Variants in HECW1 observed in about 807,000 individuals in gnomAD.
HECW1 encodes E3 ubiquitin-protein ligase HECW1.
HECW1 carries 61 observed loss-of-function variants against 182.3 expected under a neutral mutation model. That is an observed-to-expected ratio of 0.33 (90% CI 0.27 to 0.41). The LOEUF is 0.41. HECW1 is among the 10% of genes least tolerant of loss of function. The probability of loss-of-function intolerance (pLI) is 1.00; values close to 1 mark genes in which losing one functional copy is unlikely to be tolerated. For synonymous variants in HECW1, 859 were observed against 832.6 expected (o/e 1.03, Z -0.55); for missense variants, 1,739 against 2,108.9 (o/e 0.82, Z 3.44).
chr7:43,374,799 A>AAAAAAAAAAAAAAAAAAAAAAC (rs1303274874), intron 6 of HECW1, among the ~76,000 whole-genome samples: 4 of 54,074 alleles, frequency 7.4e-5, no homozygotes, highest in Non-Finnish European at 1.2e-4. Flanking sequence ...AAAAAAAAAA[A>AAAAAAAAAAAAAAAAAAAAAAC]ATAGAGAAAT....
At chr7:43,354,714 T>C (rs1022431270) in intron 5 of HECW1, among the ~76,000 whole-genome samples, 10 of 152,094 alleles carry the variant, frequency 6.6e-5, no homozygotes, top group African/African-American at 2.4e-4. Context: ...TCAAAAGGAA[T>C]TGAGCAACAG....
At chr7:43,267,984 A>G (rs541025373) in intron 3 of HECW1, among the ~76,000 whole-genome samples, 28 of 151,180 alleles carry the variant, frequency 1.9e-4, no homozygotes, top group Non-Finnish European at 3.2e-4. Context: ...AAGCAGTACA[A>G]AATTCACCTG....
chr7:43,153,676 A>C (rs1423398134), intron 2 of HECW1, among the ~76,000 whole-genome samples: 1 of 152,148 alleles, frequency 6.6e-6, no homozygotes, highest in Non-Finnish European at 1.5e-5. Flanking sequence ...GGCATCTGAC[A>C]ATTTACTTAG....
intron 2 of HECW1, among the ~76,000 whole-genome samples, chr7:43,132,807 CCTT>C (rs1356569426): frequency 6.6e-6 from 1 of 152,120 alleles, no homozygotes; most frequent in African/African-American, 2.4e-5. Context: ...TTCCTTCCTC[CCTT>C]CTTTTCTTCT....
chr7:43,288,249 A>G (rs979158178), intron 3 of HECW1, among the ~76,000 whole-genome samples: 1 of 152,214 alleles, frequency 6.6e-6, no homozygotes, highest in Non-Finnish European at 1.5e-5. Context: ...TGAAGGCTGT[A>G]GGTAGTAGAG....
chr7:43,285,668 TG>T (rs1379976072), intron 3 of HECW1, among the ~76,000 whole-genome samples: 3 of 151,896 alleles, frequency 2.0e-5, no homozygotes, highest in African/African-American at 7.2e-5. Flanking sequence ...TAAAAATAGC[TG>T]GGTGTGGTGG....
intron 2 of HECW1, among the ~76,000 whole-genome samples, chr7:43,128,153 T>C (rs1250640892): frequency 6.6e-6 from 1 of 152,202 alleles, no homozygotes; most frequent in Non-Finnish European, 1.5e-5. Context: ...TTATTGGGAT[T>C]ACAGGCGTGA....
chr7:43,216,232 G>A (rs534638474), intron 2 of HECW1, among the ~76,000 whole-genome samples: 2 of 152,056 alleles, frequency 1.3e-5, no homozygotes, highest in Admixed American at 6.5e-5. Flanking sequence ...TGCAACCTTC[G>A]CCTTCTGGGT....
intron 3 of HECW1, among the ~76,000 whole-genome samples, chr7:43,267,098 GATAA>G (rs1801885196): frequency 6.6e-6 from 1 of 152,010 alleles, no homozygotes; most frequent in Non-Finnish European, 1.5e-5. Context: ...ACATAAAAAA[GATAA>G]ATAATATTAC....
intron 2 of HECW1, among the ~76,000 whole-genome samples, chr7:43,143,488 G>T (rs1788386016): frequency 6.6e-6 from 1 of 151,868 alleles, no homozygotes; most frequent in South Asian, 2.1e-4. Context: ...CTCTCACCAT[G>T]CTACCCAGGC....
chr7:43,184,204 T>G (rs12702020), intron 2 of HECW1, among the ~76,000 whole-genome samples: 36,626 of 151,908 alleles, frequency 0.24, 4,611 homozygotes, highest in Middle Eastern at 0.27. Context: ...TAGTAGAGAC[T>G]GGGTTTCACT....
chr7:43,277,231 G>A (rs1042790270), intron 3 of HECW1, among the ~76,000 whole-genome samples: 4 of 152,126 alleles, frequency 2.6e-5, no homozygotes, highest in Non-Finnish European at 5.9e-5. Flanking sequence ...TTCACACTTT[G>A]TTGAGACAAT....
intron 8 of HECW1, among the ~76,000 whole-genome samples, chr7:43,411,771 A>G (rs2075812032): frequency 6.6e-6 from 1 of 152,166 alleles, no homozygotes; most frequent in South Asian, 2.1e-4. Flanking sequence ...TCACACTAAT[A>G]TAGCCACTCC....
At chr7:43,479,106 AT>A in intron 16 of HECW1, among the ~76,000 whole-genome samples, 1 of 152,280 alleles carries the variant, frequency 6.6e-6, no homozygotes, top group South Asian at 2.1e-4. Flanking sequence ...AGCACATTAC[AT>A]TTATTATGCA....
At chr7:43,311,069 C>T (rs968144135) in intron 3 of HECW1, among the ~76,000 whole-genome samples, 3 of 152,162 alleles carry the variant, frequency 2.0e-5, no homozygotes, top group East Asian at 1.9e-4. Flanking sequence ...GTAAACAATA[C>T]AAAAATGCAT....
In HECW1 at chr7:43,186,035, G is replaced by A. The variant is rs529106919; in HGVS notation, c.-31-57840G>A. ...GGAGAGGATGGGCCTATACTACTCA[G>A]TAGGTCCTGGATAACAGGTGGTTTC... On this transcript the variant is annotated intron_variant, in intron 2 of 29. Transcript: ENST00000395891. Among the ~76,000 whole-genome samples, 7 of 152,258 alleles carry A rather than the reference G, an allele frequency of 4.6e-5. No individual in the cohort carries two copies. The South Asian group carries it at 1.5e-3, about 32-fold the overall frequency.
intron 7 of HECW1, among the ~76,000 whole-genome samples, chr7:43,400,433 C>T (rs778331764): frequency 7.9e-5 from 12 of 152,160 alleles, no homozygotes; most frequent in Non-Finnish European, 1.8e-4. Context: ...GACTACATGA[C>T]ATGCTCGTAG....
chr7:43,228,492 G>A (rs1317494859), intron 2 of HECW1, among the ~76,000 whole-genome samples: 1 of 152,204 alleles, frequency 6.6e-6, no homozygotes, highest in African/African-American at 2.4e-5. Flanking sequence ...GTACCGTCAG[G>A]AGGTGCAAAG....
chr7:43,537,408 TTTTC>T (rs2081216172), intron 24 of HECW1, among the ~76,000 whole-genome samples: 1 of 152,230 alleles, frequency 6.6e-6, no homozygotes, highest in African/African-American at 2.4e-5. Context: ...AGGAAAAGTA[TTTTC>T]TTTCTGTCTC....
Sources: gnomAD v4.1 joint callset for allele counts (sites outside exome capture counted in the v4.1 genomes callset) on GRCh38, gnomAD v4.1.1 for gene constraint, MANE v1.5 for transcripts, NCBI Gene and HGNC (gene_info 2026-07-23, HGNC 2026-07-21) for gene names.